SUPT3H: variants seen among roughly 807,000 people sequenced by gnomAD.
SUPT3H encodes SPT3 homolog, SAGA and STAGA complex component, also known as transcription initiation protein SPT3 homolog.
Under a neutral mutation model 44.3 loss-of-function variants are expected in SUPT3H, and 44 were observed. The ratio of observed to expected loss-of-function variants is 0.99; its 90% CI spans 0.78 to 1.28. The LOEUF (loss-of-function observed/expected upper bound fraction) is 1.28. Ranked by LOEUF, SUPT3H falls within the 50% of genes most tolerant of loss-of-function variation. SUPT3H has a pLI of 0.00. For missense variants in SUPT3H, 380 were observed against 387.1 expected (o/e 0.98, Z 0.15); for synonymous variants, 124 against 125.6 (o/e 0.99, Z 0.09).
intron 6 of SUPT3H, among the ~76,000 whole-genome samples, chr6:44,972,138 TG>T (rs1251255113): frequency 6.6e-6 from 1 of 152,218 alleles, no homozygotes; most frequent in Non-Finnish European, 1.5e-5. Context: ...AAGTCTCATC[TG>T]AGACAAGACC....
chr6:45,180,434 A>G (rs1356033981), intron 2 of SUPT3H, among the ~76,000 whole-genome samples: 1 of 149,998 alleles, frequency 6.7e-6, no homozygotes, highest in African/African-American at 2.5e-5. Context: ...AAAAGAACAA[A>G]GCTGGAGGCA....
At chr6:44,956,481 AAAT>A (rs1562131138) in intron 7 of SUPT3H, among the ~76,000 whole-genome samples, 3 of 23,890 alleles carry the variant, frequency 1.3e-4, no homozygotes, top group Non-Finnish European at 2.1e-4. Flanking sequence ...AAAAAAAAAA[AAAT>A]AAAAAAAAAA....
chr6:44,826,021 A>G (rs1467987745), downstream of SUPT3H, among the ~76,000 whole-genome samples: 1 of 152,206 alleles, frequency 6.6e-6, no homozygotes, highest in Non-Finnish European at 1.5e-5. Flanking sequence ...ACTATTTACT[A>G]TCTATCTTGC....
chr6:45,236,529 T>C (rs1030934209), intron 2 of SUPT3H, among the ~76,000 whole-genome samples: 5 of 152,132 alleles, frequency 3.3e-5, no homozygotes, highest in African/African-American at 1.2e-4. Flanking sequence ...TGTTCATCCC[T>C]ACCCTTCTGC....
intron 2 of SUPT3H, among the ~76,000 whole-genome samples, chr6:45,116,463 T>C (rs1411012407): frequency 6.6e-6 from 1 of 152,210 alleles, no homozygotes; most frequent in Non-Finnish European, 1.5e-5. Context: ...ATATATGTCA[T>C]TTAAACCTCT....
intron 4 of SUPT3H, among the ~76,000 whole-genome samples, chr6:45,016,830 A>G (rs149325900): frequency 6.6e-6 from 1 of 152,240 alleles, no homozygotes; most frequent in African/African-American, 2.4e-5. Flanking sequence ...TTATAACAGC[A>G]TGATTTACAC....
At chr6:45,127,450 G>A (rs1802614107) in intron 2 of SUPT3H, among the ~76,000 whole-genome samples, 1 of 152,134 alleles carries the variant, frequency 6.6e-6, no homozygotes, top group Non-Finnish European at 1.5e-5. Flanking sequence ...CTATGAGGTA[G>A]GTATTATTAC....
At chr6:45,031,689 T>C (rs1301721367) in intron 3 of SUPT3H, among the ~76,000 whole-genome samples, 1 of 152,088 alleles carries the variant, frequency 6.6e-6, no homozygotes, top group Non-Finnish European at 1.5e-5. Flanking sequence ...TAACCCTGGG[T>C]ATAGTTTTGG....
intron 2 of SUPT3H, among the ~76,000 whole-genome samples, chr6:45,339,422 C>A (rs182051338): frequency 1.3e-5 from 2 of 152,110 alleles, no homozygotes; most frequent in Non-Finnish European, 2.9e-5. Flanking sequence ...AAATGCATAT[C>A]CAAAATATAT....
At chr6:44,860,430 G>A (rs1236820993) in intron 10 of SUPT3H, among the ~76,000 whole-genome samples, 1 of 152,198 alleles carries the variant, frequency 6.6e-6, no homozygotes, top group African/African-American at 2.4e-5. Context: ...GACTGTAGGA[G>A]CTCGAATGGG....
chr6:45,364,062 C>A, intron 2 of SUPT3H, among the ~76,000 whole-genome samples: 1 of 151,376 alleles, frequency 6.6e-6, no homozygotes, highest in Admixed American at 6.6e-5. Flanking sequence ...TTGCAGTGAG[C>A]CAAGATTGTG....
chr6:45,163,983 A>C (rs1473921751), intron 2 of SUPT3H, among the ~76,000 whole-genome samples: 1 of 152,162 alleles, frequency 6.6e-6, no homozygotes, highest in Non-Finnish European at 1.5e-5. Context: ...TTGTAACCCC[A>C]AAATCAGTAC....
intron 2 of SUPT3H, among the ~76,000 whole-genome samples, chr6:45,338,226 C>T (rs1023492588): frequency 6.6e-6 from 1 of 152,012 alleles, no homozygotes; most frequent in Non-Finnish European, 1.5e-5. Flanking sequence ...TGCTTCCTCA[C>T]ATTATGGTTC....
chr6:44,887,877 C>G (rs1264191623), intron 10 of SUPT3H, among the ~76,000 whole-genome samples: 3 of 151,620 alleles, frequency 2.0e-5, no homozygotes, highest in Non-Finnish European at 4.4e-5. Context: ...GCTAGCAAGA[C>G]TAATAAAGAA....
At position 45,187,201 on chromosome 6, in the gene SUPT3H, G is replaced by A. The variant is rs568371747; in HGVS notation, c.102-81195C>T. Among the ~76,000 whole-genome samples the A allele has an allele frequency of 4.5e-4, 68 of 151,306 alleles. 1 individual carries two copies. In the Middle Eastern group the frequency reaches 0.01, roughly 23 times the overall value. On this transcript the variant is annotated intron_variant, in intron 2 of 10. Transcript: ENST00000371459. ...AGGCGGAGGCAGGTGGATCACCAGA[G>A]GTCAGGAGCTCGGGACCAGCCTGGC... is the stretch of plus-strand genomic sequence containing the variant.
chr6:45,026,744 T>C (rs904187332), intron 3 of SUPT3H, among the ~76,000 whole-genome samples: 3 of 152,116 alleles, frequency 2.0e-5, no homozygotes, highest in African/African-American at 7.2e-5. Context: ...TTAAAAATTA[T>C]CAGATGACTT....
intron 2 of SUPT3H, among the ~76,000 whole-genome samples, chr6:45,348,874 T>G (rs1055542361): frequency 6.6e-6 from 1 of 152,190 alleles, no homozygotes; most frequent in African/African-American, 2.4e-5. Context: ...GAGGCTTTAG[T>G]TCCCCCATTA....
At chr6:45,326,766 G>C (rs1225945443) in intron 2 of SUPT3H, among the ~76,000 whole-genome samples, 1 of 151,824 alleles carries the variant, frequency 6.6e-6, no homozygotes, top group Non-Finnish European at 1.5e-5. Context: ...ATAGCACTAG[G>C]AAGAACACAG....
At chr6:45,208,818 G>A (rs1476400903) in intron 2 of SUPT3H, among the ~76,000 whole-genome samples, 2 of 151,416 alleles carry the variant, frequency 1.3e-5, no homozygotes, top group East Asian at 3.9e-4. Flanking sequence ...AGCTGGAGAG[G>A]AGAAGTCAAT....
Sources: allele counts gnomAD v4.1 joint callset (sites outside exome capture counted in the v4.1 genomes callset), GRCh38; gene constraint gnomAD v4.1.1; transcripts MANE v1.5; gene names NCBI Gene and HGNC (gene_info 2026-07-23, HGNC 2026-07-21).